Variants in SVEP1 observed in about 807,000 individuals in gnomAD.
SVEP1 encodes sushi, von Willebrand factor type A, EGF and pentraxin domain-containing protein 1.
In SVEP1, 164 loss-of-function variants were observed where a neutral mutation model predicts 367.3. The ratio of observed to expected loss-of-function variants is 0.45; its 90% CI spans 0.39 to 0.51. The LOEUF (loss-of-function observed/expected upper bound fraction) is 0.51, where lower values mean the gene tolerates loss of function less well. Ranked by LOEUF, SVEP1 falls within the 20% of genes least tolerant of loss-of-function variation. The pLI is 0.00. For missense variants in SVEP1, 4,117 were observed against 4,425.3 expected (o/e 0.93, Z 1.98); for synonymous variants, 1,666 against 1,611.6 (o/e 1.03, Z -0.81).
At chr9:110,435,923 T>C (rs1200561888) in intron 28 of SVEP1, among the ~76,000 whole-genome samples, 1 of 152,070 alleles carries the variant, frequency 6.6e-6, no homozygotes, top group African/African-American at 2.4e-5. Context: ...ATCATCACAG[T>C]GAGTTTGGGG....
chr9:110,470,941 T>C lies in SVEP1; in HGVS notation c.2998+423A>G, dbSNP rs188303326. 5.9e-5 allele frequency among the ~76,000 whole-genome samples: 9 copies of C among 152,192 alleles called. No individual in the cohort carries two copies. The East Asian group carries it at 1.5e-3, about 26-fold the overall frequency. ...TATCCCTCCCCACTTACTGTCTTAA[T>C]GGGTAAGTCTTAGGGGCAAATTCGT... On this transcript the variant is annotated intron_variant, in intron 16 of 47. Transcript: ENST00000374469.
intron 8 of SVEP1, among the ~76,000 whole-genome samples, chr9:110,491,479 A>C (rs1210348483): frequency 6.6e-6 from 1 of 151,950 alleles, no homozygotes; most frequent in Non-Finnish European, 1.5e-5. Context: ...CCTTCTTTTT[A>C]AATAGAAACC....
intron 1 of SVEP1, among the ~76,000 whole-genome samples, chr9:110,568,617 G>A (rs1038356540): frequency 1.3e-5 from 2 of 152,146 alleles, no homozygotes; most frequent in African/African-American, 4.8e-5. Flanking sequence ...AATGCTTGGT[G>A]AAAGTTCTAC....
At chr9:110,547,036 T>C (rs895095574) in intron 2 of SVEP1, among the ~76,000 whole-genome samples, 2 of 152,192 alleles carry the variant, frequency 1.3e-5, no homozygotes, top group Non-Finnish European at 2.9e-5. Context: ...TAAGCCCAGA[T>C]ATTGTGATGG....
intron 5 of SVEP1, 73 bp downstream of exon 5, chr9:110,512,853 G>A: frequency 6.5e-7 from 1 of 1,540,350 alleles, no homozygotes; most frequent in Non-Finnish European, 9.0e-7. Context: ...AGAACTGACT[G>A]GTTTACTAGA....
At chr9:110,561,206 C>T (rs1830422501) in intron 1 of SVEP1, among the ~76,000 whole-genome samples, 1 of 152,098 alleles carries the variant, frequency 6.6e-6, no homozygotes, top group Admixed American at 6.6e-5. Context: ...TTCTTAACAA[C>T]TCTTTCCACC....
chr9:110,376,079 T>TGTGAGTTTGTTG (rs1564122398), intron 45 of SVEP1, among the ~76,000 whole-genome samples: 1 of 152,214 alleles, frequency 6.6e-6, no homozygotes, highest in Non-Finnish European at 1.5e-5. Context: ...GTTTAAAAGA[T>TGTGAGTTTGTTG]GTGAGTTTGT....
In SVEP1 at chr9:110,434,464, GC is replaced by G; in HGVS notation, c.4930del (p.Ala1644HisfsTer5). ...GGAACCTGGCTTTAAATCTTCAGAT[GC>G]AGTTCTCAGATGAGGCACTGACCCT... ...LGGSVPHLRTASEDLKPGSKV... is the reference protein window; with the variant it reads ...LGGSVPHLRTXSEDLKPGSKV... On this transcript the variant is annotated frameshift_variant, in exon 30 of 48. Transcript: ENST00000374469. LOFTEE classifies it high-confidence loss of function. 1 of 1,613,472 alleles carries G rather than the reference GC, an allele frequency of 6.2e-7. No homozygotes were observed. The highest frequency in any genetic ancestry group is 2.2e-5 in the East Asian group (1 of 44,858).
intron 11 of SVEP1, among the ~76,000 whole-genome samples, chr9:110,481,762 G>A (rs1335386100): frequency 1.3e-5 from 2 of 151,968 alleles, no homozygotes; most frequent in Admixed American, 1.3e-4. Flanking sequence ...ACCCAGGCTC[G>A]AATGCAGTGG....
At chr9:110,556,115 T>C (rs552290756) in intron 1 of SVEP1, among the ~76,000 whole-genome samples, 16 of 152,316 alleles carry the variant, frequency 1.1e-4, no homozygotes, top group African/African-American at 3.4e-4. Context: ...CCATCTGTAT[T>C]GTATCAAGCC....
At chr9:110,475,172 T>C (rs1829080514) in intron 14 of SVEP1, among the ~76,000 whole-genome samples, 3 of 152,162 alleles carry the variant, frequency 2.0e-5, no homozygotes, top group African/African-American at 7.2e-5. Flanking sequence ...TAAAAAAATT[T>C]AAAAATCAAA....
intron 1 of SVEP1, among the ~76,000 whole-genome samples, chr9:110,569,885 A>G (rs1830534077): frequency 6.6e-6 from 1 of 152,320 alleles, no homozygotes; most frequent in Non-Finnish European, 1.5e-5. Context: ...TAAACTATTA[A>G]TTTCTTGAAT....
intron 2 of SVEP1, 91 bp from the exon 3 acceptor site, chr9:110,546,382 A>C (rs1830221466): frequency 5.1e-6 from 7 of 1,385,028 alleles, no homozygotes; most frequent in Middle Eastern, 1.8e-4. Context: ...CAAGCTGGAG[A>C]AAATATCTTT....
chr9:110,517,818 C>T (rs1402634805), intron 3 of SVEP1, among the ~76,000 whole-genome samples: 1 of 129,078 alleles, frequency 7.7e-6, no homozygotes, highest in African/African-American at 2.9e-5. Flanking sequence ...AAAAAGATTT[C>T]AAGAACGAGA....
At chr9:110,558,621 G>C (rs1398754914) in intron 1 of SVEP1, among the ~76,000 whole-genome samples, 1 of 151,630 alleles carries the variant, frequency 6.6e-6, no homozygotes, top group Non-Finnish European at 1.5e-5. Flanking sequence ...AAAGAGAATA[G>C]GCTAAAATGA....
rs796795697 is a variant in SVEP1 at position 110,414,050 on chromosome 9, C to T, written c.5976-2315G>A. ...GTTGATCAGTTTCCAACACCTACAC[C>T]TTTTCCATAACACTGCTCTCTGTCT... On this transcript the variant is annotated intron_variant, in intron 36 of 47. Coordinates refer to ENST00000374469, the MANE Select transcript of SVEP1 (RefSeq NM_153366.4). Among the ~76,000 whole-genome samples, 12 of 152,026 alleles carry T rather than the reference C, an allele frequency of 7.9e-5. 1 individual carries two copies. Among genetic ancestry groups the T allele is most frequent in the African/African-American group, 2.7e-4 (11 of 41,316 alleles).
intron 36 of SVEP1, among the ~76,000 whole-genome samples, chr9:110,415,313 G>C (rs1204462117): frequency 6.6e-6 from 1 of 151,998 alleles, no homozygotes; most frequent in Non-Finnish European, 1.5e-5. Flanking sequence ...CAGTATAGGA[G>C]GAAAACTCGG....
chr9:110,491,923 A>G (rs1029462761), intron 8 of SVEP1, among the ~76,000 whole-genome samples: 1 of 152,152 alleles, frequency 6.6e-6, no homozygotes, highest in South Asian at 2.1e-4. Flanking sequence ...GTTGATAAAG[A>G]ACAATCATCA....
At chr9:110,437,196 G>C (rs1828443081) in intron 27 of SVEP1, among the ~76,000 whole-genome samples, 1 of 152,088 alleles carries the variant, frequency 6.6e-6, no homozygotes, top group Admixed American at 6.6e-5. Flanking sequence ...ATAAGAAAAA[G>C]GGATGAGAGA....
Sources: gnomAD v4.1 joint callset for allele counts (sites outside exome capture counted in the v4.1 genomes callset) on GRCh38, gnomAD v4.1.1 for gene constraint, MANE v1.5 for transcripts, NCBI Gene and HGNC (gene_info 2026-07-23, HGNC 2026-07-21) for gene names.